Variants in EXOC6B observed in about 807,000 individuals in gnomAD.
EXOC6B encodes SEC15 homolog B.
Under a neutral mutation model 113.5 loss-of-function variants are expected in EXOC6B, and 54 were observed. The observed-to-expected ratio is 0.48, with a 90% confidence interval of 0.38 to 0.60. EXOC6B has a LOEUF of 0.60. Among genes scored for constraint, EXOC6B ranks in the 20% least tolerant of loss-of-function variants. EXOC6B has a pLI of 0.00. For synonymous variants in EXOC6B, 357 were observed against 339.0 expected, an observed-to-expected ratio of 1.05 and a Z score of -0.58; for missense variants, 797 against 977.5, an observed-to-expected ratio of 0.82 and a Z score of 2.46.
intron 7 of EXOC6B, among the ~76,000 whole-genome samples, chr2:72,575,105 T>C (rs1161595702): frequency 2.0e-5 from 3 of 152,190 alleles, no homozygotes; most frequent in Non-Finnish European, 4.4e-5. Flanking sequence ...ATTTGTTCAC[T>C]CTTCAGCTTT....
intron 20 of EXOC6B, among the ~76,000 whole-genome samples, chr2:72,296,616 T>C (rs2104735640): frequency 6.6e-6 from 1 of 152,156 alleles, no homozygotes; most frequent in East Asian, 1.9e-4. Flanking sequence ...GTATACATAA[T>C]ACACTGAAAA....
intron 1 of EXOC6B, among the ~76,000 whole-genome samples, chr2:72,772,157 C>T (rs531148745): frequency 1.3e-5 from 2 of 152,290 alleles, no homozygotes; most frequent in African/African-American, 4.8e-5. Context: ...GAGAGACCCT[C>T]GCTGGAGGAA....
At chr2:72,593,843 C>G (rs1706138244) in intron 6 of EXOC6B, among the ~76,000 whole-genome samples, 1 of 152,026 alleles carries the variant, frequency 6.6e-6, no homozygotes, top group African/African-American at 2.4e-5. Context: ...AAAGCTAACT[C>G]AAAAAGAAAA....
chr2:72,675,729 G>A (rs897936857), intron 6 of EXOC6B, among the ~76,000 whole-genome samples: 2 of 152,026 alleles, frequency 1.3e-5, no homozygotes, highest in African/African-American at 2.4e-5. Flanking sequence ...GGGAGGTTAC[G>A]GCTGCAGTGA....
At chr2:72,362,466 T>A (rs1055108357) in intron 19 of EXOC6B, among the ~76,000 whole-genome samples, 2 of 152,064 alleles carry the variant, frequency 1.3e-5, no homozygotes, top group Non-Finnish European at 2.9e-5. Context: ...GAAATAATTA[T>A]AATTAATTAT....
chr2:72,787,085 C>T (rs1341751730), intron 1 of EXOC6B, among the ~76,000 whole-genome samples: 1 of 152,062 alleles, frequency 6.6e-6, no homozygotes, highest in Non-Finnish European at 1.5e-5. Context: ...TACCTAACAA[C>T]CTTAAATATA....
At chr2:72,639,203 G>A (rs1274346182) in intron 6 of EXOC6B, among the ~76,000 whole-genome samples, 3 of 152,118 alleles carry the variant, frequency 2.0e-5, no homozygotes, top group African/African-American at 7.2e-5. Context: ...TGCCAACCAG[G>A]TTTCAGATGG....
intron 20 of EXOC6B, among the ~76,000 whole-genome samples, chr2:72,287,708 A>C (rs12466613): frequency 0.36 from 54,931 of 151,872 alleles, 12,883 homozygotes; most frequent in African/African-American, 0.66. Flanking sequence ...ATGAAACAGG[A>C]AAATTCCTAG....
intron 20 of EXOC6B, among the ~76,000 whole-genome samples, chr2:72,333,123 TG>T (rs1196077118): frequency 1.3e-5 from 2 of 152,120 alleles, no homozygotes; most frequent in African/African-American, 4.8e-5. Context: ...AGTAAAATTT[TG>T]GATTTTGGGT....
chr2:72,414,722 T>C (rs1407946563), intron 18 of EXOC6B, among the ~76,000 whole-genome samples: 4 of 152,202 alleles, frequency 2.6e-5, no homozygotes, highest in Non-Finnish European at 4.4e-5. Flanking sequence ...TTTGACAGAT[T>C]CAAGGTACAT....
chr2:72,606,387 A>C (rs1181783567), intron 6 of EXOC6B, among the ~76,000 whole-genome samples: 1 of 152,160 alleles, frequency 6.6e-6, no homozygotes, highest in Admixed American at 6.6e-5. Flanking sequence ...TGAAGTAAAC[A>C]GTAAACATTA....
chr2:72,567,164 G>C (rs1245522999), intron 7 of EXOC6B, among the ~76,000 whole-genome samples: 1 of 151,454 alleles, frequency 6.6e-6, no homozygotes, highest in Non-Finnish European at 1.5e-5. Context: ...AATACAAAAA[G>C]AAACAAACGA....
At chr2:72,677,687 T>C (rs1339809370) in intron 6 of EXOC6B, among the ~76,000 whole-genome samples, 1 of 152,194 alleles carries the variant, frequency 6.6e-6, no homozygotes, top group Admixed American at 6.5e-5. Context: ...TCATCAAAGG[T>C]GGGTTTGCTT....
At chr2:72,495,184 A>T (rs1011399005) in intron 15 of EXOC6B, among the ~76,000 whole-genome samples, 3 of 152,110 alleles carry the variant, frequency 2.0e-5, no homozygotes, top group Non-Finnish European at 4.4e-5. Flanking sequence ...ACTGTCATTA[A>T]TAAGTGTTGA....
intron 1 of EXOC6B, among the ~76,000 whole-genome samples, chr2:72,794,575 T>C (rs1349537527): frequency 6.6e-6 from 1 of 152,242 alleles, no homozygotes; most frequent in African/African-American, 2.4e-5. Flanking sequence ...AAGGTGCTGA[T>C]AGATTATGAT....
chr2:72,498,605 G>A (rs766890444), intron 12 of EXOC6B, 54 bp from the exon 13 acceptor site: 230 of 1,172,922 alleles, frequency 2.0e-4, no homozygotes, highest in Middle Eastern at 6.9e-4. Context: ...TTTTTTTTTC[G>A]GTTTTTTTTT....
chr2:72,216,051 C>T (rs565682779), intron 20 of EXOC6B, among the ~76,000 whole-genome samples: 1 of 151,912 alleles, frequency 6.6e-6, no homozygotes, highest in South Asian at 2.1e-4. Flanking sequence ...GGGTCCAGAT[C>T]CTTAGAGGTC....
chr2:72,295,034 C>T lies in EXOC6B; in HGVS notation c.2196+39913G>A, dbSNP rs576405597. ...GATCACGTGGTCAGGAAATCGAGAC[C>T]GTCCTGGCCAACATGGTGAATCCTC... On this transcript the variant is annotated intron_variant, in intron 20 of 21. Transcript: ENST00000272427. Among the ~76,000 whole-genome samples, 399 of 151,922 alleles carry T rather than the reference C, an allele frequency of 2.6e-3. 1 individual carries two copies. Among genetic ancestry groups the T allele is most frequent in the African/African-American group, 9.1e-3 (375 of 41,430 alleles).
intron 8 of EXOC6B, among the ~76,000 whole-genome samples, chr2:72,521,440 C>T (rs1381235998): frequency 6.6e-6 from 1 of 152,170 alleles, no homozygotes; most frequent in East Asian, 1.9e-4. Context: ...TATTTTCAAG[C>T]TAGAAGGCAT....
Sources: gnomAD v4.1 joint callset for allele counts (sites outside exome capture counted in the v4.1 genomes callset) on GRCh38, gnomAD v4.1.1 for gene constraint, MANE v1.5 for transcripts, NCBI Gene and HGNC (gene_info 2026-07-23, HGNC 2026-07-21) for gene names.